Variants in ADCY3 observed in about 807,000 individuals in gnomAD.
ADCY3 encodes adenylate cyclase type 3.
Under a neutral mutation model 119.4 loss-of-function variants are expected in ADCY3, and 70 were observed. That is an observed-to-expected ratio of 0.59 (90% confidence interval 0.48 to 0.72). The LOEUF (loss-of-function observed/expected upper bound fraction) is 0.72. Among genes scored for constraint, ADCY3 ranks in the 30% least tolerant of loss-of-function variants. ADCY3 has a pLI of 0.00. For missense variants in ADCY3, 1,238 were observed against 1,541.6 expected (o/e 0.80, Z 3.30); for synonymous variants, 672 against 621.4 (o/e 1.08, Z -1.21).
Position 24,823,164 on chromosome 2 carries a change from T to C in ADCY3, c.2883+45A>G, listed in dbSNP as rs774650386. On this transcript the variant is annotated intron_variant, in intron 18 of 21. Transcript: ENST00000679454. ...GCCTATTGTAGGATGTGATGTGGAA[T>C]GGGCCGGCTTCATGGCCAGAGTGCA... is the stretch of plus-strand genomic sequence containing the variant. The C allele has an allele frequency of 3.2e-6, 5 of 1,584,710 alleles. 1 individual carries two copies. The highest frequency in any genetic ancestry group is 1.1e-5 in the South Asian group (1 of 87,400).
rs1356896959 is a variant in ADCY3, at chr2:24,918,142, G to A, written c.675+171C>T. Among the ~76,000 whole-genome samples, 3 of 152,204 alleles carry A rather than the reference G, an allele frequency of 2.0e-5. No individual in the cohort carries two copies. The highest frequency in any genetic ancestry group is 2.1e-4 in the South Asian group (1 of 4,832). On this transcript the variant is annotated intron_variant, in intron 2 of 21. Transcript: ENST00000679454. This position sits in a 1 kb window ranked among gnomAD's most constrained non-coding sequence, Gnocchi z 5.4. Reference sequence around the variant, plus strand: ...CTGGGGCCAAGCACAGGCAGACTCCGGGTAATGGCACAGGGGTGAAAAGGC... The same window carrying A: ...CTGGGGCCAAGCACAGGCAGACTCCAGGTAATGGCACAGGGGTGAAAAGGC...
At chr2:24,880,168 T>C (rs928792409) in intron 2 of ADCY3, among the ~76,000 whole-genome samples, 1 of 152,160 alleles carries the variant, frequency 6.6e-6, no homozygotes, top group Admixed American at 6.5e-5. Context: ...TAAGAGATGT[T>C]CAAAGTCTAC....
intron 2 of ADCY3, among the ~76,000 whole-genome samples, chr2:24,887,849 G>A (rs1677242432): frequency 6.6e-6 from 1 of 152,194 alleles, no homozygotes; most frequent in African/African-American, 2.4e-5. Context: ...TATGATGTGT[G>A]TAAAGAGCCC....
At chr2:24,843,821 C>G (rs1030451099) in intron 3 of ADCY3, among the ~76,000 whole-genome samples, 1 of 152,190 alleles carries the variant, frequency 6.6e-6, no homozygotes, top group Non-Finnish European at 1.5e-5. Context: ...ATAAGCAGTA[C>G]GGAGAGAGAA....
intron 3 of ADCY3, among the ~76,000 whole-genome samples, chr2:24,846,534 A>G (rs1406096786): frequency 1.3e-5 from 2 of 151,680 alleles, no homozygotes; most frequent in Non-Finnish European, 2.9e-5. Context: ...TACTTACTCA[A>G]TACCTATATC....
At chr2:24,843,234 GCTGT>G (rs1214873253) in intron 3 of ADCY3, among the ~76,000 whole-genome samples, 1 of 152,168 alleles carries the variant, frequency 6.6e-6, no homozygotes, top group Non-Finnish European at 1.5e-5. Flanking sequence ...TCTGACTGCT[GCTGT>G]CTTTCTTCTT....
intron 3 of ADCY3, among the ~76,000 whole-genome samples, chr2:24,859,036 C>G (rs1673332206): frequency 6.6e-6 from 1 of 152,246 alleles, no homozygotes; most frequent in Non-Finnish European, 1.5e-5. Context: ...CCAGTGCCTA[C>G]TTCGCATTAT....
In ADCY3 at chr2:24,826,087, C is replaced by G; in HGVS notation, c.2535G>C (p.Met845Ile). The G allele has an allele frequency of 6.2e-7, 1 of 1,614,100 alleles. No homozygotes were observed. Residue 845 changes from methionine (M) to isoleucine (I), a missense_variant, in exon 16 of 22, where the codon ATG (methionine) becomes ATC (isoleucine). By Grantham distance (10) the Met-to-Ile change is conservative. Transcript: ENST00000679454. ...LVPSKYSMTV[M>I]VFLMMLSFYY... ...AGAAGCTGAGCATCATGAGGAACACCATCACCGTCATAGAGTACTTGGAAG... is the reference window on the plus strand; with the variant it reads ...AGAAGCTGAGCATCATGAGGAACACGATCACCGTCATAGAGTACTTGGAAG...
chr2:24,866,976 A>G (rs1027905400), intron 3 of ADCY3, among the ~76,000 whole-genome samples: 11 of 152,234 alleles, frequency 7.2e-5, no homozygotes, highest in Non-Finnish European at 1.5e-4. Flanking sequence ...ATTGAGTCCT[A>G]GAGGAAAGGA....
chr2:24,892,393 C>T (rs752213939), intron 2 of ADCY3, among the ~76,000 whole-genome samples: 64 of 152,168 alleles, frequency 4.2e-4, no homozygotes, highest in African/African-American at 7.7e-4. Flanking sequence ...GGATTACAGG[C>T]GCTTGCCACC....
intron 2 of ADCY3, among the ~76,000 whole-genome samples, chr2:24,895,116 G>C (rs1281146675): frequency 1.3e-5 from 2 of 151,720 alleles, no homozygotes; most frequent in South Asian, 4.2e-4. Flanking sequence ...TTTTGAGATG[G>C]AGTCTTGCTC....
chr2:24,873,534 G>A (rs1675282181), intron 2 of ADCY3, among the ~76,000 whole-genome samples: 1 of 152,194 alleles, frequency 6.6e-6, no homozygotes, highest in Middle Eastern at 3.2e-3. Flanking sequence ...ACTTCCACAG[G>A]CTGTAGGGAC....
At chr2:24,820,178 G>T in intron 21 of ADCY3, 64 bp from the exon 22 acceptor site, 2 of 1,308,638 alleles carry the variant, frequency 1.5e-6, no homozygotes, top group Non-Finnish European at 2.1e-6. Context: ...GGGCGGGTGG[G>T]GGCTTTGGGT....
At chr2:24,821,384 G>T in intron 20 of ADCY3, 133 bp downstream of exon 20, 12 of 1,305,356 alleles carry the variant, frequency 9.2e-6, no homozygotes, top group Middle Eastern at 2.4e-4. Context: ...AGGTCTCCTT[G>T]CCCTGTGAGT....
At chr2:24,853,805 A>G (rs553483880) in intron 3 of ADCY3, among the ~76,000 whole-genome samples, 1 of 152,218 alleles carries the variant, frequency 6.6e-6, no homozygotes, top group East Asian at 1.9e-4. Flanking sequence ...TATCTCTTGA[A>G]AGCTCCTGGC....
chr2:24,836,155 C>T (rs1192404749), intron 9 of ADCY3, among the ~76,000 whole-genome samples: 1 of 152,208 alleles, frequency 6.6e-6, no homozygotes, highest in Non-Finnish European at 1.5e-5. Context: ...GCTAAAGCTG[C>T]ATCTGTGTCC....
rs113840547 is a variant in ADCY3 at position 24,858,165 on chromosome 2, A to ATTTTTTT, written c.825+14398_825+14404dup. Reference sequence around the variant, plus strand: ...AGGTGCGCACCACCACCATGCCTGGATTTTTTTTAAGTTTTTTTGTAGAGA... The same window carrying ATTTTTTT: ...AGGTGCGCACCACCACCATGCCTGGATTTTTTTTTTTTTTTAAGTTTTTTTGTAGAGA... On this transcript the variant is annotated intron_variant, in intron 3 of 21. Coordinates refer to ENST00000679454, the MANE Select transcript of ADCY3 (RefSeq NM_004036.5). Among the ~76,000 whole-genome samples, 76 of 149,102 alleles carry ATTTTTTT rather than the reference A, an allele frequency of 5.1e-4. 1 individual carries two copies. The highest frequency in any genetic ancestry group is 2.7e-3 in the Admixed American group (41 of 15,094).
At chr2:24,885,930 C>T (rs1371512397) in intron 2 of ADCY3, among the ~76,000 whole-genome samples, 2 of 152,176 alleles carry the variant, frequency 1.3e-5, no homozygotes, top group Non-Finnish European at 2.9e-5. Flanking sequence ...GCCTCCTGAC[C>T]TCGGCACATG....
intron 2 of ADCY3, among the ~76,000 whole-genome samples, chr2:24,908,191 G>A (rs767333624): frequency 1.1e-4 from 16 of 151,950 alleles, no homozygotes; most frequent in Admixed American, 3.3e-4. Context: ...GCATGGTGGC[G>A]CATGCCTGTA....
Sources: allele counts gnomAD v4.1 joint callset (sites outside exome capture counted in the v4.1 genomes callset), GRCh38; gene constraint gnomAD v4.1.1; non-coding constraint Gnocchi (gnomAD v3.1); transcripts MANE v1.5; gene names NCBI Gene and HGNC (gene_info 2026-07-23, HGNC 2026-07-21).